CALN1: variants seen among roughly 807,000 people sequenced by gnomAD.
The protein encoded by CALN1 is calneuron 1.
CALN1 carries 17 observed loss-of-function variants against 30.6 expected under a neutral mutation model. The ratio of observed to expected loss-of-function variants is 0.56; its 90% CI spans 0.38 to 0.83. CALN1 has a LOEUF of 0.83. CALN1 is among the 40% of genes least tolerant of loss of function. The pLI is 0.00. For missense variants in CALN1, 291 were observed against 354.9 expected, an observed-to-expected ratio of 0.82 and a Z score of 1.45; for synonymous variants, 156 against 131.4, an observed-to-expected ratio of 1.19 and a Z score of -1.28.
intron 3 of CALN1, among the ~76,000 whole-genome samples, chr7:72,208,952 T>A (rs200208331): frequency 6.6e-6 from 1 of 152,004 alleles, no homozygotes; most frequent in African/African-American, 2.4e-5. Flanking sequence ...TCTTTCTTTC[T>A]TCCTCCCTCC....
chr7:71,925,625 C>G (rs929913810), intron 5 of CALN1, among the ~76,000 whole-genome samples: 1 of 151,768 alleles, frequency 6.6e-6, no homozygotes, highest in Non-Finnish European at 1.5e-5. Flanking sequence ...ATATAGACTT[C>G]TGGGTTGACA....
intron 2 of CALN1, among the ~76,000 whole-genome samples, chr7:72,387,090 T>C (rs1805251950): frequency 6.7e-6 from 1 of 150,234 alleles, no homozygotes; most frequent in South Asian, 2.1e-4. Flanking sequence ...GTGCAACACT[T>C]TGAGCAATAA....
Position 71,981,794 on chromosome 7 carries a change from T to C in CALN1, c.501+41863A>G, listed in dbSNP as rs575300220. ...CTAGGTAGATAGTGTCAGAATGGAA[T>C]TGAAGGACTCCCGGCTTGTGTCTGC... On this transcript the variant is annotated intron_variant, in intron 5 of 6. Coordinates refer to ENST00000395275, the MANE Select transcript of CALN1 (RefSeq NM_031468.4). Among the ~76,000 whole-genome samples, 6 of 152,200 alleles carry C rather than the reference T, an allele frequency of 3.9e-5. No homozygotes were observed. In the South Asian group the frequency reaches 6.2e-4, roughly 16 times the overall value.
chr7:72,499,853 CTT>C, the CALN1 span, among the ~76,000 whole-genome samples: 278 of 38,906 alleles, frequency 7.1e-3, 30 homozygotes, highest in African/African-American at 0.041. Context: ...TTCTTTCTTT[CTT>C]TCTTTCTTTC....
intron 3 of CALN1, among the ~76,000 whole-genome samples, chr7:72,231,070 T>G (rs1033363625): frequency 3.3e-5 from 5 of 152,034 alleles, no homozygotes; most frequent in African/African-American, 7.2e-5. Flanking sequence ...AGTCTGTCAG[T>G]CACTCAGTAG....
intron 2 of CALN1, among the ~76,000 whole-genome samples, chr7:72,288,799 T>C (rs928047643): frequency 2.0e-5 from 3 of 152,266 alleles, no homozygotes; most frequent in African/African-American, 7.2e-5. Context: ...TCTATGTTAT[T>C]GTCCAGTGTC....
intron 5 of CALN1, among the ~76,000 whole-genome samples, chr7:72,006,726 A>C (rs1799791611): frequency 6.6e-6 from 1 of 152,182 alleles, no homozygotes; most frequent in African/African-American, 2.4e-5. Context: ...ATAAATGGTA[A>C]TCATGGATGC....
rs187451741 is a variant in CALN1 at position 71,821,650 on chromosome 7, T to C, written c.502-11158A>G. ...GATGAGATTTGTGTGGGGACACAGC[T>C]AAACCATACCAATCATTATACACGG... On this transcript the variant is annotated intron_variant, in intron 5 of 6. Coordinates refer to ENST00000395275, the MANE Select transcript of CALN1 (RefSeq NM_031468.4). Among the ~76,000 whole-genome samples the C allele has an allele frequency of 3.7e-3, 557 of 152,312 alleles. 4 individuals are homozygous for C. Among genetic ancestry groups the C allele is most frequent in the African/African-American group, 0.012 (518 of 41,562 alleles).
chr7:72,131,032 G>A (rs994102658), intron 3 of CALN1, among the ~76,000 whole-genome samples: 5 of 152,164 alleles, frequency 3.3e-5, no homozygotes, highest in Non-Finnish European at 4.4e-5. Context: ...ACCTCTTGGT[G>A]TACTAAGCAC....
intron 4 of CALN1, among the ~76,000 whole-genome samples, chr7:72,066,828 C>A (rs1404522833): frequency 1.3e-5 from 2 of 151,644 alleles, no homozygotes; most frequent in Non-Finnish European, 2.9e-5. Flanking sequence ...GTTGCCCAAG[C>A]TAGAATACAG....
chr7:71,977,897 A>ACAATTGTGCCACTCTGT (rs1798178399), intron 5 of CALN1, among the ~76,000 whole-genome samples: 1 of 148,188 alleles, frequency 6.7e-6, no homozygotes. Flanking sequence ...GTGCCACTGC[A>ACAATTGTGCCACTCTGT]CTCCAGCCTG....
intron 4 of CALN1, among the ~76,000 whole-genome samples, chr7:72,037,556 A>T (rs891625845): frequency 6.6e-6 from 1 of 152,252 alleles, no homozygotes; most frequent in African/African-American, 2.4e-5. Context: ...ATCCAGCCAG[A>T]TGAACTCATC....
chr7:72,499,902 TTTCTTTCTTTCTA>T, the CALN1 span, among the ~76,000 whole-genome samples: 1 of 56,324 alleles, frequency 1.8e-5, no homozygotes, highest in African/African-American at 1.0e-4. Flanking sequence ...TCTTTCTTTC[TTTCTTTCTTTCTA>T]TCTTTCTCTT....
At chr7:71,902,460 G>C (rs1793913511) in intron 5 of CALN1, among the ~76,000 whole-genome samples, 1 of 151,914 alleles carries the variant, frequency 6.6e-6, no homozygotes, top group Non-Finnish European at 1.5e-5. Flanking sequence ...GCAAATAGAT[G>C]GATAGACCAA....
chr7:71,930,407 C>A (rs1340071857), intron 5 of CALN1, among the ~76,000 whole-genome samples: 1 of 151,734 alleles, frequency 6.6e-6, no homozygotes, highest in South Asian at 2.1e-4. Context: ...TTTGTCCATC[C>A]TTTCTGTATG....
At chr7:72,502,253 T>C in the CALN1 span, among the ~76,000 whole-genome samples, 1 of 150,060 alleles carries the variant, frequency 6.7e-6, no homozygotes, top group African/African-American at 2.4e-5. Flanking sequence ...AATTATTTCA[T>C]TTAAATACAG....
At chr7:72,461,118 C>T in the CALN1 span, among the ~76,000 whole-genome samples, 35 of 152,216 alleles carry the variant, frequency 2.3e-4, 1 homozygote, top group Non-Finnish European at 3.8e-4. Flanking sequence ...ATGACAGATT[C>T]AAAGCATGAA....
chr7:71,799,640 TTC>T lies in CALN1; in HGVS notation c.658+10694_658+10695del, dbSNP rs113878370. On this transcript the variant is annotated intron_variant, in intron 6 of 6. Transcript: ENST00000395275. ...GCCACCATACCCAGCTAATTTTTATTTCTTTTTGTATTTTTAGTAGAGATGGG... is the reference window on the plus strand; with the variant it reads ...GCCACCATACCCAGCTAATTTTTATTTTTTTGTATTTTTAGTAGAGATGGG... Among the ~76,000 whole-genome samples the T allele has an allele frequency of 6.4e-4, 97 of 151,898 alleles. 2 individuals carry two copies. Among genetic ancestry groups the T allele is most frequent in the African/African-American group, 1.9e-3 (80 of 41,364 alleles).
chr7:72,357,336 C>A (rs1321402634), intron 2 of CALN1, among the ~76,000 whole-genome samples: 1 of 152,018 alleles, frequency 6.6e-6, no homozygotes, highest in Non-Finnish European at 1.5e-5. Flanking sequence ...GTTCCTCCTG[C>A]ACCACAGATC....
Sources: allele counts gnomAD v4.1 joint callset (sites outside exome capture counted in the v4.1 genomes callset), GRCh38; gene constraint gnomAD v4.1.1; transcripts MANE v1.5; gene names NCBI Gene and HGNC (gene_info 2026-07-23, HGNC 2026-07-21).